GUCY2C: variants seen among roughly 807,000 people sequenced by gnomAD.
GUCY2C encodes the protein guanylyl cyclase C.
A neutral mutation model predicts 131.1 loss-of-function variants in GUCY2C; 118 were observed. The ratio of observed to expected loss-of-function variants is 0.90; its 90% confidence interval spans 0.78 to 1.05. The LOEUF (loss-of-function observed/expected upper bound fraction) is 1.05. GUCY2C is among the 50% of genes least tolerant of loss of function. The pLI, the probability that GUCY2C is intolerant of heterozygous loss-of-function variation, is 0.00. For synonymous variants in GUCY2C, 452 were observed against 457.8 expected (o/e 0.99, Z 0.16); for missense variants, 1,161 against 1,304.4 (o/e 0.89, Z 1.69).
In GUCY2C at chr12:14,638,655, G is replaced by T. The variant is rs532161911; in HGVS notation, c.2157+1207C>A. Among the ~76,000 whole-genome samples, 580 of 152,286 alleles carry T rather than the reference G, an allele frequency of 3.8e-3. 1 individual carries two copies. The highest frequency in any genetic ancestry group is 0.014 in the African/African-American group (567 of 41,562). ...TCTCACTCATGCAGGGGCTGAAAAA[G>T]TTGATCTCATGGAGGTGGAGAGAAT... On this transcript the variant is annotated intron_variant, in intron 19 of 26. Transcript: ENST00000261170.
chr12:14,618,691 C>T (rs1946825321), intron 24 of GUCY2C, among the ~76,000 whole-genome samples: 1 of 151,980 alleles, frequency 6.6e-6, no homozygotes, highest in Non-Finnish European at 1.5e-5. Flanking sequence ...GTCCCAGGTA[C>T]TTGGGAGGAT....
At chr12:14,647,359 G>C (rs1947543101) in intron 15 of GUCY2C, among the ~76,000 whole-genome samples, 1 of 152,064 alleles carries the variant, frequency 6.6e-6, no homozygotes. Context: ...GATGATCTCT[G>C]TTAATTAAGC....
chr12:14,676,890 G>T lies in GUCY2C; in HGVS notation c.912C>A (p.Ser304=). ...VLVLTLSPGN[S]LLNSSFSRNL... ...TCCTGGAGAAAGAGCTATTTAGAAG[G>T]GAATTCCCAGGAGACAGCGTCAGAA... Residue 304 remains serine (S), a synonymous_variant, in exon 7 of 27, where the codon TCC becomes TCA. Coordinates refer to ENST00000261170, the MANE Select transcript of GUCY2C (RefSeq NM_004963.4). The T allele has an allele frequency of 6.5e-7, 1 of 1,547,408 alleles. No individual in the cohort carries two copies. The highest frequency in any genetic ancestry group is 8.8e-7 in the Non-Finnish European group (1 of 1,132,414).
intron 19 of GUCY2C, among the ~76,000 whole-genome samples, chr12:14,638,905 AT>A (rs2137014655): frequency 6.6e-6 from 1 of 152,342 alleles, no homozygotes; most frequent in South Asian, 2.1e-4. Flanking sequence ...AAGGTGATGG[AT>A]CCCCTAAATA....
chr12:14,631,293 C>A (rs1947140386), intron 19 of GUCY2C, among the ~76,000 whole-genome samples: 1 of 151,978 alleles, frequency 6.6e-6, no homozygotes, highest in Non-Finnish European at 1.5e-5. Context: ...AGGTTAGTTA[C>A]ATATGTATAC....
chr12:14,622,059 A>T lies in GUCY2C; in HGVS notation c.2547T>A (p.Leu849=), dbSNP rs969737984. The stretch of plus-strand genomic sequence containing the variant: ...GGTCAAAACTCTTATAGATGTCATT[A>T]AGCATGTCCACCACTTCCATGGGGG... The part of the protein sequence containing the change: ...YSTPMEVVDM[L]NDIYKSFDHI... The change falls in exon 22 of 27, where the codon CTT becomes CTA. Residue 849 remains leucine, a synonymous_variant. Coordinates refer to ENST00000261170, the MANE Select transcript of GUCY2C (RefSeq NM_004963.4). The T allele has an allele frequency of 1.9e-6, 3 of 1,610,544 alleles. No individual in the cohort carries two copies. Among genetic ancestry groups the T allele is most frequent in the Non-Finnish European group, 2.5e-6 (3 of 1,178,802 alleles).
rs1418440629 is a variant in GUCY2C at position 14,621,196 on chromosome 12, C to T, written c.2622G>A (p.Ala874=). The change falls in exon 23 of 27, where the codon GCG becomes GCA. Residue 874 remains alanine, a synonymous_variant. Transcript: ENST00000261170. ...DVYKVETIGD[A]YMVASGLPKR... is the part of the protein sequence containing the mutation. ...TAGGCAAACCACTAGCCACCATGTA[C>T]GCATCACCGATGGTTTCCACCTGTG... The T allele has an allele frequency of 6.2e-6, 10 of 1,613,080 alleles. No homozygotes were observed. The highest frequency in any genetic ancestry group is 1.7e-5 in the Admixed American group (1 of 59,996).
chr12:14,646,947 A>G (rs942665024), intron 15 of GUCY2C, among the ~76,000 whole-genome samples: 6 of 152,172 alleles, frequency 3.9e-5, no homozygotes, highest in African/African-American at 1.4e-4. Flanking sequence ...ATTGCCTACA[A>G]TCTGGGGATT....
In GUCY2C at chr12:14,619,195, C is replaced by A; in HGVS notation, c.2875+16G>T. On this transcript the variant is annotated intron_variant, in intron 24 of 26. Coordinates refer to ENST00000261170, the MANE Select transcript of GUCY2C (RefSeq NM_004963.4). ...CAGCATCTTTGTCCTCTGAGAAAAA[C>A]AGTCTCCCTTCTTACGGAGGCCAGT... The A allele has an allele frequency of 6.9e-7, 1 of 1,459,372 alleles. No individual in the cohort carries two copies. Among genetic ancestry groups the A allele is most frequent in the Non-Finnish European group, 9.6e-7 (1 of 1,039,740 alleles). 90.4% of individuals were successfully genotyped at this position (1,459,372 alleles called of 1,614,324 possible).
chr12:14,679,710 CT>C lies in GUCY2C; in HGVS notation c.776del (p.Lys259ArgfsTer14). 1 of 1,602,184 alleles carries C rather than the reference CT, an allele frequency of 6.2e-7. No homozygotes were observed. The highest frequency in any genetic ancestry group is 8.6e-7 in the Non-Finnish European group (1 of 1,169,188). On this transcript the variant is annotated frameshift_variant, in exon 6 of 27. Transcript: ENST00000261170. LOFTEE classifies it high-confidence loss of function. ...CGGPEFLYKL[K>X]GDRAVAEDIV... ...TGTCTTCAGCCACTGCTCGGTCACC[CT>C]TCAGCTTGTAGAGGAACTCTGGACC...
chr12:14,685,457 C>T (rs79878633), intron 3 of GUCY2C, among the ~76,000 whole-genome samples: 263 of 152,172 alleles, frequency 1.7e-3, no homozygotes, highest in African/African-American at 5.5e-3. Context: ...GTCGATGAAG[C>T]GTGATTCTTG....
At chr12:14,665,369 C>G (rs181939018) in intron 10 of GUCY2C, among the ~76,000 whole-genome samples, 1 of 152,064 alleles carries the variant, frequency 6.6e-6, no homozygotes, top group East Asian at 1.9e-4. Context: ...TTGCATGACG[C>G]TTTAAGGAAG....
chr12:14,683,780 C>T (rs1207400913), intron 3 of GUCY2C, among the ~76,000 whole-genome samples: 4 of 152,162 alleles, frequency 2.6e-5, no homozygotes, highest in Non-Finnish European at 5.9e-5. Context: ...TAGTGGGCTT[C>T]CTGCTTGCAT....
Position 14,628,691 on chromosome 12 carries a change from C to T in GUCY2C, c.2204G>A (p.Arg735Lys). ...AGTCTCAATTTTTTTGAAATCTGGT[C>T]TCTTTTCTGGATCTTCCTCCCAACA... ...KNCWEEDPEK[R>K]PDFKKIETTL... Residue 735 changes from arginine to lysine, a missense_variant, in exon 20 of 27, where the codon AGA (arginine) becomes AAA (lysine). Physicochemically the swap from Arg to Lys is conservative, Grantham distance 26. Coordinates refer to ENST00000261170, the MANE Select transcript of GUCY2C (RefSeq NM_004963.4). 1.2e-6 allele frequency: 2 copies of T among 1,603,824 alleles called. No individual in the cohort carries two copies. Among genetic ancestry groups the T allele is most frequent in the Non-Finnish European group, 1.7e-6 (2 of 1,171,104 alleles).
intron 14 of GUCY2C, 106 bp from the exon 15 acceptor site, chr12:14,651,617 GTGT>G: frequency 1.5e-6 from 1 of 666,004 alleles, no homozygotes; most frequent in Non-Finnish European, 2.7e-6. Context: ...TTGAGAAGAT[GTGT>G]TGTCTTAACA....
chr12:14,643,385 G>A (rs989041057), intron 17 of GUCY2C, among the ~76,000 whole-genome samples, 189 bp downstream of exon 17: 1 of 152,088 alleles, frequency 6.6e-6, no homozygotes, highest in African/African-American at 2.4e-5. Flanking sequence ...AATCCACAGA[G>A]GACATTTGTT....
chr12:14,656,589 G>A lies in GUCY2C; in HGVS notation c.1393C>T (p.Gln465Ter). ...GGAGGAATGTGGGACCATTTTTTCT[G>A]ACGAAGTTCATAATCTTTTCTATAT... ...RKYRKDYELRQKKWSHIPPEN... is the reference protein window; with the variant it reads ...RKYRKDYELR Residue 465 changes from glutamine (Q) to a stop codon, truncating the protein, a stop_gained, in exon 12 of 27, where the codon CAG becomes TAG. Transcript: ENST00000261170. LOFTEE classifies it high-confidence loss of function. 6.3e-7 allele frequency: 1 copy of A among 1,588,118 alleles called. No homozygotes were observed. Among genetic ancestry groups the A allele is most frequent in the South Asian group, 1.1e-5 (1 of 90,440 alleles).
chr12:14,626,596 A>C (rs879831748), intron 20 of GUCY2C, among the ~76,000 whole-genome samples: 4 of 152,226 alleles, frequency 2.6e-5, no homozygotes, highest in African/African-American at 4.8e-5. Flanking sequence ...AGTATTCTTT[A>C]CAACAGCAAA....
intron 19 of GUCY2C, 44 bp downstream of exon 19, chr12:14,639,818 T>C: frequency 8.3e-7 from 1 of 1,200,214 alleles, no homozygotes; most frequent in South Asian, 1.2e-5. Context: ...TTTATGGTAA[T>C]TTTATAGCAG....
Sources: allele counts gnomAD v4.1 joint callset (sites outside exome capture counted in the v4.1 genomes callset), GRCh38; gene constraint gnomAD v4.1.1; transcripts MANE v1.5; gene names NCBI Gene and HGNC (gene_info 2026-07-23, HGNC 2026-07-21).